WDR41: variants seen among roughly 807,000 people sequenced by gnomAD.
WDR41 encodes WD repeat-containing protein 41.
A neutral mutation model predicts 69.3 loss-of-function variants in WDR41; 63 were observed. The observed-to-expected ratio is 0.91, with a 90% CI of 0.74 to 1.12. The LOEUF is 1.12. Ranked by LOEUF, WDR41 falls within the 50% of genes most tolerant of loss-of-function variation. The pLI is 0.00. For missense variants in WDR41, 543 were observed against 534.5 expected (o/e 1.02, Z -0.16); for synonymous variants, 185 against 192.1 (o/e 0.96, Z 0.31).
chr5:77,600,639 T>C (rs1469909374), intron 1 of WDR41, among the ~76,000 whole-genome samples: 1 of 152,122 alleles, frequency 6.6e-6, no homozygotes, highest in Non-Finnish European at 1.5e-5. Flanking sequence ...CCCAGCACTT[T>C]GGGAGGCAGA....
At chr5:77,477,203 A>G (rs1282603656) in intron 2 of WDR41, among the ~76,000 whole-genome samples, 1 of 149,696 alleles carries the variant, frequency 6.7e-6, no homozygotes, top group Non-Finnish European at 1.5e-5. Flanking sequence ...AAAGAGACTT[A>G]GACTCCCACA....
At chr5:77,563,677 A>T (rs1306940448) in intron 1 of WDR41, among the ~76,000 whole-genome samples, 1 of 152,200 alleles carries the variant, frequency 6.6e-6, no homozygotes, top group East Asian at 1.9e-4. Flanking sequence ...GGAACCGGGC[A>T]GTGTGCCAGG....
intron 9 of WDR41, 91 bp from the exon 10 acceptor site, chr5:77,438,452 C>A: frequency 6.6e-7 from 1 of 1,522,908 alleles, no homozygotes; most frequent in Non-Finnish European, 8.9e-7. Flanking sequence ...ATCAGAAAGC[C>A]ACCATTACCT....
At chr5:77,509,244 G>T (rs1802159907) in intron 1 of WDR41, among the ~76,000 whole-genome samples, 1 of 152,102 alleles carries the variant, frequency 6.6e-6, no homozygotes, top group African/African-American at 2.4e-5. Context: ...ATCTGAACTG[G>T]TTTTTTTCTA....
At chr5:77,479,528 A>C (rs1801126058) in intron 2 of WDR41, among the ~76,000 whole-genome samples, 1 of 152,178 alleles carries the variant, frequency 6.6e-6, no homozygotes, top group Non-Finnish European at 1.5e-5. Flanking sequence ...GCATATCTAC[A>C]ACTATCTGAT....
chr5:77,494,065 T>C (rs1463493765), upstream of WDR41, among the ~76,000 whole-genome samples: 1 of 152,188 alleles, frequency 6.6e-6, no homozygotes, highest in Non-Finnish European at 1.5e-5. Context: ...AGCAGAGTCT[T>C]TGTATGCTAT....
chr5:77,502,786 A>C (rs913884083), intron 1 of WDR41, among the ~76,000 whole-genome samples: 16 of 152,158 alleles, frequency 1.1e-4, no homozygotes, highest in African/African-American at 3.4e-4. Flanking sequence ...AGTGAAGGAG[A>C]AATAAAATCC....
intron 1 of WDR41, among the ~76,000 whole-genome samples, chr5:77,579,582 T>A (rs1427506542): frequency 6.6e-6 from 1 of 152,170 alleles, no homozygotes; most frequent in African/African-American, 2.4e-5. Flanking sequence ...GCAAAAGCTA[T>A]CTTTCAAAAA....
At chr5:77,595,902 T>C (rs1744219476) in intron 1 of WDR41, among the ~76,000 whole-genome samples, 1 of 152,164 alleles carries the variant, frequency 6.6e-6, no homozygotes, top group Admixed American at 6.6e-5. Flanking sequence ...GGAATGTTTA[T>C]TTTTTTCTTT....
At chr5:77,572,187 T>C (rs965659399) in intron 1 of WDR41, among the ~76,000 whole-genome samples, 2 of 152,212 alleles carry the variant, frequency 1.3e-5, no homozygotes, top group Non-Finnish European at 2.9e-5. Context: ...TGTACAGCAC[T>C]TTGGAACTAA....
chr5:77,568,154 G>T (rs1365443293), intron 1 of WDR41, among the ~76,000 whole-genome samples: 10 of 152,044 alleles, frequency 6.6e-5, no homozygotes, highest in African/African-American at 2.4e-4. Flanking sequence ...AGCCTTGAGG[G>T]CTGTTTAAGG....
rs1229214712 is a variant in WDR41, at chr5:77,613,406, T to G, written c.42+7073A>C. Among the ~76,000 whole-genome samples, 444 of 152,146 alleles carry G rather than the reference T, an allele frequency of 2.9e-3. 4 individuals are homozygous for G. The highest frequency in any genetic ancestry group is 0.01 in the African/African-American group (426 of 41,530). The stretch of plus-strand genomic sequence containing the variant: ...CTGACTTCAAACTATACTACAAGGC[T>G]ACAGTAACCAAAACAGCATGGTACT... On this transcript the variant is annotated intron_variant, in intron 1 of 5. Transcript: ENST00000509971.
intron 1 of WDR41, among the ~76,000 whole-genome samples, chr5:77,538,985 C>A (rs6881259): frequency 0.33 from 49,416 of 151,996 alleles, 8,132 homozygotes; most frequent in Middle Eastern, 0.34. Flanking sequence ...AATCTGCAGG[C>A]TGAGAAGTCT....
intron 1 of WDR41, among the ~76,000 whole-genome samples, chr5:77,507,791 T>A (rs1447227071): frequency 4.6e-5 from 7 of 152,228 alleles, no homozygotes; most frequent in Non-Finnish European, 7.3e-5. Flanking sequence ...CATAATTTTT[T>A]AATGAAATTT....
chr5:77,507,814 C>G (rs1802134992), intron 1 of WDR41, among the ~76,000 whole-genome samples: 1 of 152,082 alleles, frequency 6.6e-6, no homozygotes, highest in Admixed American at 6.5e-5. Context: ...GAAGTTTCAG[C>G]CATTATTTCT....
intron 1 of WDR41, among the ~76,000 whole-genome samples, chr5:77,617,052 C>G (rs1275452309): frequency 6.6e-6 from 1 of 152,184 alleles, no homozygotes; most frequent in Non-Finnish European, 1.5e-5. Context: ...AATGGGGGCC[C>G]ATGAAACTCA....
chr5:77,566,379 T>C (rs747969489), intron 1 of WDR41, among the ~76,000 whole-genome samples: 3 of 152,180 alleles, frequency 2.0e-5, no homozygotes, highest in Admixed American at 6.6e-5. Flanking sequence ...TCTATTTATA[T>C]TGATACTACA....
chr5:77,581,389 T>A (rs1743937097), intron 1 of WDR41, among the ~76,000 whole-genome samples: 1 of 152,208 alleles, frequency 6.6e-6, no homozygotes, highest in Non-Finnish European at 1.5e-5. Context: ...GAGAAACAGA[T>A]AATTCAACAA....
At chr5:77,449,446 C>A (rs1799534905) in intron 8 of WDR41, among the ~76,000 whole-genome samples, 3 of 152,132 alleles carry the variant, frequency 2.0e-5, no homozygotes, top group African/African-American at 4.8e-5. Flanking sequence ...GAGGAACTAG[C>A]CAGAAACAGC....
Sources: gnomAD v4.1 joint callset for allele counts (sites outside exome capture counted in the v4.1 genomes callset) on GRCh38, gnomAD v4.1.1 for gene constraint, MANE v1.5 for transcripts, NCBI Gene and HGNC (gene_info 2026-07-23, HGNC 2026-07-21) for gene names.